ZFHX3: variants seen among roughly 807,000 people sequenced by gnomAD.
The protein encoded by ZFHX3 is zinc finger homeobox 3.
ZFHX3 carries 42 observed loss-of-function variants against 279.1 expected under a neutral mutation model. The observed-to-expected ratio is 0.15, with a 90% CI of 0.12 to 0.19. The LOEUF (loss-of-function observed/expected upper bound fraction) is 0.19. Among genes scored for constraint, ZFHX3 ranks in the 10% least tolerant of loss-of-function variants. The pLI is 1.00. For synonymous variants in ZFHX3, 2,293 were observed against 1,957.8 expected (o/e 1.17, Z -4.52); for missense variants, 4,981 against 4,754.0 (o/e 1.05, Z -1.40).
chr16:72,858,292 A>C (rs1843442342), intron 4 of ZFHX3, among the ~76,000 whole-genome samples: 1 of 152,240 alleles, frequency 6.6e-6, no homozygotes, highest in African/African-American at 2.4e-5. Context: ...TTAATATAAG[A>C]GCAACTCCTT....
chr16:73,564,222 C>T (rs1022868639), intron 2 of ZFHX3, among the ~76,000 whole-genome samples: 4 of 152,126 alleles, frequency 2.6e-5, no homozygotes, highest in Admixed American at 1.3e-4. Flanking sequence ...GGGAAATAGA[C>T]GGCCACGTAT....
intron 3 of ZFHX3, among the ~76,000 whole-genome samples, chr16:73,326,475 T>C (rs1315623319): frequency 1.3e-5 from 2 of 152,178 alleles, no homozygotes; most frequent in African/African-American, 4.8e-5. Flanking sequence ...GGACGAACCT[T>C]AAAAACACGA....
intron 2 of ZFHX3, among the ~76,000 whole-genome samples, chr16:73,619,216 C>T (rs541672766): frequency 4.6e-5 from 7 of 152,050 alleles, no homozygotes; most frequent in Admixed American, 1.3e-4. Flanking sequence ...TGGCCGGGTG[C>T]GGTGGCTCAT....
intron 3 of ZFHX3, among the ~76,000 whole-genome samples, chr16:73,444,998 G>A (rs1359537918): frequency 2.0e-5 from 3 of 150,274 alleles, no homozygotes; most frequent in East Asian, 3.9e-4. Context: ...AGCCAGGTGT[G>A]GTGACAGGGG....
intron 4 of ZFHX3, among the ~76,000 whole-genome samples, chr16:72,840,186 G>C (rs557494162): frequency 5.9e-5 from 9 of 151,960 alleles, no homozygotes; most frequent in Admixed American, 1.3e-4. Flanking sequence ...GAAATATATG[G>C]ATGAAAAAAA....
At chr16:73,121,678 C>CGATCTCGG (rs1265233874) in intron 7 of ZFHX3, among the ~76,000 whole-genome samples, 1 of 149,814 alleles carries the variant, frequency 6.7e-6, no homozygotes, top group Non-Finnish European at 1.5e-5. Flanking sequence ...TGCAGTGGCT[C>CGATCTCGG]GATCTCGGCT....
chr16:73,427,139 T>C (rs981924967), intron 3 of ZFHX3, among the ~76,000 whole-genome samples: 3 of 152,124 alleles, frequency 2.0e-5, no homozygotes, highest in Non-Finnish European at 4.4e-5. Flanking sequence ...CAAAGGAAAG[T>C]AGAGGGCAAA....
rs891314074 is a variant in ZFHX3, at chr16:73,884,270, A to T, written c.-1608+7381T>A. 4.6e-5 allele frequency among the ~76,000 whole-genome samples: 7 copies of T among 152,162 alleles called. No homozygotes were observed. In the East Asian group the frequency reaches 1.3e-3, roughly 29 times the overall value. On this transcript the variant is annotated intron_variant, in intron 1 of 17. Transcript: ENST00000641206. Reference sequence around the variant, plus strand: ...ATACAACACCTTGTTTTATTTTTGTATATTATGCTCAGTGTTTTGGTTAAA... The same window carrying T: ...ATACAACACCTTGTTTTATTTTTGTTTATTATGCTCAGTGTTTTGGTTAAA...
chr16:72,852,086 C>T (rs13332605), intron 4 of ZFHX3, among the ~76,000 whole-genome samples: 4,884 of 152,222 alleles, frequency 0.032, 277 homozygotes, highest in African/African-American at 0.11. Flanking sequence ...GAGGATTATA[C>T]AGAAATTGTC....
intron 2 of ZFHX3, among the ~76,000 whole-genome samples, chr16:73,518,089 T>C (rs934402351): frequency 1.2e-4 from 18 of 152,206 alleles, no homozygotes; most frequent in South Asian, 4.1e-4. Context: ...ATATATTTTA[T>C]ACTCTACATA....
chr16:73,260,487 G>A (rs1291488144), intron 4 of ZFHX3, among the ~76,000 whole-genome samples: 1 of 151,998 alleles, frequency 6.6e-6, no homozygotes, highest in Non-Finnish European at 1.5e-5. Flanking sequence ...CTCCTGATGT[G>A]TGTCTTCTGA....
intron 2 of ZFHX3, among the ~76,000 whole-genome samples, chr16:73,655,917 A>G (rs1344470872): frequency 1.3e-5 from 2 of 152,262 alleles, no homozygotes; most frequent in Non-Finnish European, 2.9e-5. Context: ...ATACTTATGC[A>G]ATAATGTATA....
At chr16:73,167,918 C>T (rs546380053) in intron 5 of ZFHX3, among the ~76,000 whole-genome samples, 4 of 152,332 alleles carry the variant, frequency 2.6e-5, no homozygotes, top group South Asian at 4.1e-4. Flanking sequence ...AACCCTAAAA[C>T]GACTCGATGC....
chr16:72,829,694 G>A, intron 5 of ZFHX3, 85 bp downstream of exon 5: 1 of 1,478,330 alleles, frequency 6.8e-7, no homozygotes, highest in Non-Finnish European at 9.4e-7. Context: ...TGACTTGTTA[G>A]CTCCATTCTT....
intron 1 of ZFHX3, among the ~76,000 whole-genome samples, chr16:73,757,407 G>C (rs1471985150): frequency 6.6e-6 from 1 of 152,220 alleles, no homozygotes; most frequent in East Asian, 1.9e-4. Context: ...CAGAACATCA[G>C]CTGTGGATGT....
At chr16:73,062,851 C>T (rs7404072), upstream of ZFHX3, among the ~76,000 whole-genome samples, 109,439 of 152,162 alleles carry the variant, frequency 0.72, 39,659 homozygotes, top group East Asian at 0.88. Context: ...AGTCCCTTTT[C>T]GAATGTGTAT....
At chr16:73,450,300 A>G (rs1214555690) in intron 3 of ZFHX3, among the ~76,000 whole-genome samples, 7 of 152,118 alleles carry the variant, frequency 4.6e-5, no homozygotes. Context: ...TATCTGTCTC[A>G]CTGTTCTCTT....
chr16:73,651,213 T>C (rs529563612), intron 2 of ZFHX3, among the ~76,000 whole-genome samples: 1 of 146,010 alleles, frequency 6.8e-6, no homozygotes, highest in African/African-American at 2.5e-5. Flanking sequence ...ATTAGTCAGA[T>C]GAAATTATCC....
chr16:72,798,185 C>G lies in ZFHX3; in HGVS notation c.4497G>C (p.Leu1499Phe). The change falls in exon 9 of 10, where the codon TTG (leucine) becomes TTC (phenylalanine). Residue 1499 changes from leucine (L) to phenylalanine (F), a missense_variant. Leu to Phe is a conservative substitution (Grantham distance 22). Around this residue, in one of 7 missense-constraint regions of ZFHX3, gnomAD observed 1,751 missense variants for 1,770.0 expected, o/e 0.99. Transcript: ENST00000268489. ...TGCCCGTTGGGCTCTGTTTATCTTC[C>G]AAGTCACTCTCTTCCTCCTTGTCTT... The part of the protein sequence containing the change: ...VEEDKEEESD[L>F]EDKQSPTGSD... 6.2e-7 allele frequency: 1 copy of G among 1,614,176 alleles called. No individual in the cohort carries two copies. Among genetic ancestry groups the G allele is most frequent in the Non-Finnish European group, 8.5e-7 (1 of 1,180,046 alleles).
Sources: gnomAD v4.1 joint callset for allele counts (sites outside exome capture counted in the v4.1 genomes callset) on GRCh38, gnomAD v4.1.1 for gene constraint, gnomAD v4.1.1 regional missense constraint, MANE v1.5 for transcripts, NCBI Gene and HGNC (gene_info 2026-07-23, HGNC 2026-07-21) for gene names.